The following PDE7B variants were observed in gnomAD, a reference collection of about 807,000 sequenced individuals.
PDE7B encodes phosphodiesterase 7B.
PDE7B carries 29 observed loss-of-function variants against 56.2 expected under a neutral mutation model. The ratio of observed to expected loss-of-function variants is 0.52; its 90% confidence interval spans 0.38 to 0.70. The LOEUF (loss-of-function observed/expected upper bound fraction) is 0.70. Among genes scored for constraint, PDE7B ranks in the 30% least tolerant of loss-of-function variants. The pLI, the probability that PDE7B is intolerant of heterozygous loss-of-function variation, is 0.00. For synonymous variants in PDE7B, 197 were observed against 196.9 expected, an observed-to-expected ratio of 1.00 and a Z score of 0.00; for missense variants, 490 against 565.0, an observed-to-expected ratio of 0.87 and a Z score of 1.35.
At chr6:136,135,499 C>T (rs1024252866) in intron 3 of PDE7B, among the ~76,000 whole-genome samples, 2 of 151,534 alleles carry the variant, frequency 1.3e-5, no homozygotes, top group Non-Finnish European at 2.9e-5. Flanking sequence ...AAAAATATGT[C>T]CACCCATGTG....
intron 3 of PDE7B, among the ~76,000 whole-genome samples, chr6:136,110,838 C>A (rs1777735759): frequency 6.6e-6 from 1 of 151,810 alleles, no homozygotes; most frequent in Admixed American, 6.6e-5. Context: ...ATATTGTTCA[C>A]CACGTAAGAG....
intron 1 of PDE7B, among the ~76,000 whole-genome samples, chr6:135,923,797 G>A (rs1774134434): frequency 6.6e-6 from 1 of 152,058 alleles, no homozygotes; most frequent in African/African-American, 2.4e-5. Flanking sequence ...TAATATACTT[G>A]TAAAATATGA....
chr6:135,971,052 T>A (rs765375294), intron 2 of PDE7B, among the ~76,000 whole-genome samples: 4 of 152,148 alleles, frequency 2.6e-5, no homozygotes, highest in Non-Finnish European at 5.9e-5. Flanking sequence ...ATTCCCATTC[T>A]GAAGTCCTAT....
chr6:136,157,367 G>C (rs912696367), intron 8 of PDE7B, among the ~76,000 whole-genome samples: 1 of 152,088 alleles, frequency 6.6e-6, no homozygotes, highest in African/African-American at 2.4e-5. Flanking sequence ...GATCACTTGA[G>C]GTCAGTAGTT....
intron 3 of PDE7B, among the ~76,000 whole-genome samples, chr6:136,143,594 T>A (rs992164556): frequency 6.6e-6 from 1 of 152,114 alleles, no homozygotes; most frequent in African/African-American, 2.4e-5. Context: ...GAACTAATGT[T>A]ACTATTATTC....
At chr6:136,180,272 A>G (rs1779041512) in intron 10 of PDE7B, among the ~76,000 whole-genome samples, 1 of 152,188 alleles carries the variant, frequency 6.6e-6, no homozygotes, top group Non-Finnish European at 1.5e-5. Flanking sequence ...ACAAGGATCA[A>G]CCAGGTGTCT....
At chr6:136,043,277 A>C (rs1431993899) in intron 2 of PDE7B, among the ~76,000 whole-genome samples, 1 of 152,182 alleles carries the variant, frequency 6.6e-6, no homozygotes, top group East Asian at 1.9e-4. Flanking sequence ...CTCACTTTGA[A>C]CTAAACCTTC....
At chr6:136,184,542 T>C (rs1199192159) in intron 11 of PDE7B, among the ~76,000 whole-genome samples, 1 of 152,190 alleles carries the variant, frequency 6.6e-6, no homozygotes, top group African/African-American at 2.4e-5. Context: ...ATCTCCATCA[T>C]TGCAGCAAAT....
chr6:136,171,966 CTCA>C (rs1185345640), intron 8 of PDE7B, among the ~76,000 whole-genome samples: 2 of 151,928 alleles, frequency 1.3e-5, no homozygotes, highest in Non-Finnish European at 2.9e-5. Flanking sequence ...AGGACATGAA[CTCA>C]TCATTTTTTA....
At chr6:135,911,236 G>A (rs1000450785) in intron 1 of PDE7B, among the ~76,000 whole-genome samples, 2 of 152,094 alleles carry the variant, frequency 1.3e-5, no homozygotes, top group African/African-American at 2.4e-5. Context: ...AAAATTCTAG[G>A]TGATCCATTA....
intron 2 of PDE7B, among the ~76,000 whole-genome samples, chr6:136,054,319 C>A (rs564645468): frequency 1.1e-3 from 168 of 152,218 alleles, no homozygotes; most frequent in Non-Finnish European, 1.6e-3. Context: ...GGAATCGTTT[C>A]CCCATTTCTT....
chr6:135,883,664 G>A (rs1166031176), intron 1 of PDE7B, among the ~76,000 whole-genome samples: 1 of 152,144 alleles, frequency 6.6e-6, no homozygotes, highest in Non-Finnish European at 1.5e-5. Flanking sequence ...CACTGAACTA[G>A]GCTGTGTCCT....
At chr6:136,047,413 C>G (rs1177503851) in intron 2 of PDE7B, 2 of 152,206 alleles carry the variant, frequency 1.3e-5, no homozygotes, top group African/African-American at 4.8e-5. Context: ...AGGTCTGATA[C>G]ATTTTCACTG....
intron 2 of PDE7B, among the ~76,000 whole-genome samples, chr6:136,004,271 C>G (rs1408945860): frequency 1.3e-5 from 2 of 152,196 alleles, no homozygotes; most frequent in African/African-American, 4.8e-5. Context: ...AAACTGGAAG[C>G]ATTCCCTTTG....
intron 1 of PDE7B, among the ~76,000 whole-genome samples, chr6:135,916,179 G>A (rs77078411): frequency 1.5e-3 from 234 of 152,224 alleles, no homozygotes; most frequent in African/African-American, 5.1e-3. Context: ...CAATGCATAA[G>A]AGTTTCAGTT....
At chr6:135,940,875 T>C (rs1774496432) in intron 1 of PDE7B, among the ~76,000 whole-genome samples, 1 of 152,232 alleles carries the variant, frequency 6.6e-6, no homozygotes, top group Admixed American at 6.5e-5. Flanking sequence ...TAAGGAATTA[T>C]TCATTCATTC....
intron 1 of PDE7B, among the ~76,000 whole-genome samples, chr6:135,934,032 C>T (rs1305415805): frequency 3.9e-5 from 6 of 152,244 alleles, no homozygotes; most frequent in African/African-American, 1.4e-4. Flanking sequence ...TGGTACTCAC[C>T]TCTATTTGGT....
chr6:136,119,792 A>G (rs1173002712), intron 3 of PDE7B, among the ~76,000 whole-genome samples: 3 of 152,216 alleles, frequency 2.0e-5, no homozygotes, highest in East Asian at 3.9e-4. Context: ...CTCTTCTTAC[A>G]TTCTGTCTTT....
intron 8 of PDE7B, among the ~76,000 whole-genome samples, chr6:136,168,986 G>C (rs1003589274): frequency 1.3e-5 from 2 of 152,156 alleles, no homozygotes; most frequent in Non-Finnish European, 2.9e-5. Flanking sequence ...TGGTAGCACA[G>C]AGAAAATTCT....
Sources: gnomAD v4.1 joint callset for allele counts (sites outside exome capture counted in the v4.1 genomes callset) on GRCh38, gnomAD v4.1.1 for gene constraint, MANE v1.5 for transcripts, NCBI Gene and HGNC (gene_info 2026-07-23, HGNC 2026-07-21) for gene names.